The following SCPEP1 variants were observed in gnomAD, a reference collection of about 807,000 sequenced individuals.
The protein encoded by SCPEP1 is retinoid-inducible serine carboxypeptidase.
SCPEP1 carries 51 observed loss-of-function variants against 63.8 expected under a neutral mutation model. That is an observed-to-expected ratio of 0.80 (90% confidence interval 0.64 to 1.01). The LOEUF (loss-of-function observed/expected upper bound fraction) is 1.01. Ranked by LOEUF, SCPEP1 falls within the 50% of genes least tolerant of loss-of-function variation. The pLI is 0.00. For synonymous variants in SCPEP1, 204 were observed against 207.8 expected (o/e 0.98, Z 0.16); for missense variants, 499 against 554.9 (o/e 0.90, Z 1.01).
chr17:56,997,878 C>T (rs1242769087), intron 9 of SCPEP1: 1 of 152,782 alleles, frequency 6.5e-6, no homozygotes, highest in African/African-American at 2.6e-5. Context: ...TGTGCACCAA[C>T]CTAATAATAA....
In SCPEP1 at chr17:56,995,607, G is replaced by A. The variant is rs764392881; in HGVS notation, c.758G>A (p.Trp253Ter). 1.7e-5 allele frequency: 28 copies of A among 1,613,798 alleles called. No individual in the cohort carries two copies. Among genetic ancestry groups the A allele is most frequent in the Non-Finnish European group, 2.4e-5 (28 of 1,179,982 alleles). ...KGLYREATEL[W>*]GKAEMIIEQN... The stretch of plus-strand genomic sequence containing the variant: ...CTCTACAGAGAGGCCACAGAGCTGT[G>A]GGGGAAAGCAGAAATGATCATTGAA... The change falls in exon 8 of 13, where the codon TGG becomes TAG. Residue 253 changes from tryptophan (W) to a stop codon, truncating the protein, a stop_gained. Coordinates refer to ENST00000262288, the MANE Select transcript of SCPEP1 (RefSeq NM_021626.3). LOFTEE classifies it high-confidence loss of function.
intron 2 of SCPEP1, chr17:56,985,121 A>G: frequency 1.9e-6 from 1 of 520,774 alleles, no homozygotes; most frequent in East Asian, 3.2e-5. Flanking sequence ...AAAGAAAAGA[A>G]AAGAAAAAAT....
At chr17:56,995,040 C>A (rs755472721) in intron 7 of SCPEP1, 22 bp downstream of exon 7, 5 of 1,606,590 alleles carry the variant, frequency 3.1e-6, no homozygotes, top group African/African-American at 1.3e-5. Flanking sequence ...CACATCTGCA[C>A]CCTCTGGGCA....
chr17:56,993,687 T>G (rs1038071158), intron 6 of SCPEP1, among the ~76,000 whole-genome samples: 6 of 152,204 alleles, frequency 3.9e-5, no homozygotes, highest in African/African-American at 1.4e-4. Context: ...CCTCAGGTGA[T>G]CTGCCCACCT....
At chr17:56,986,879 CAG>C (rs1456837669) in intron 3 of SCPEP1, among the ~76,000 whole-genome samples, 2 of 152,224 alleles carry the variant, frequency 1.3e-5, no homozygotes, top group Non-Finnish European at 2.9e-5. Context: ...ACTCTTGCCT[CAG>C]GGTCTTTGTA....
chr17:56,979,706 A>T (rs572927233), intron 1 of SCPEP1, among the ~76,000 whole-genome samples: 1 of 152,292 alleles, frequency 6.6e-6, no homozygotes, highest in Non-Finnish European at 1.5e-5. Context: ...AATCATCTAC[A>T]TGAGTTAGGA....
intron 12 of SCPEP1, among the ~76,000 whole-genome samples, chr17:57,002,453 T>C (rs1299187541): frequency 6.6e-6 from 1 of 152,194 alleles, no homozygotes; most frequent in Non-Finnish European, 1.5e-5. Flanking sequence ...CAGAGGCTCA[T>C]GCCTGCAATC....
chr17:56,979,935 G>T (rs915587350), intron 1 of SCPEP1, among the ~76,000 whole-genome samples: 8 of 151,782 alleles, frequency 5.3e-5, no homozygotes, highest in African/African-American at 1.9e-4. Flanking sequence ...AATGTTTAAA[G>T]TTTAAAATTT....
chr17:57,001,569 C>A (rs564314149), intron 11 of SCPEP1, among the ~76,000 whole-genome samples: 2 of 152,168 alleles, frequency 1.3e-5, no homozygotes, highest in African/African-American at 4.8e-5. Flanking sequence ...GCCTCGTGAA[C>A]CAGAAGGATT....
At chr17:56,982,154 A>C (rs1911086509) in intron 2 of SCPEP1, among the ~76,000 whole-genome samples, 1 of 151,994 alleles carries the variant, frequency 6.6e-6, no homozygotes, top group South Asian at 2.1e-4. Flanking sequence ...CCCCACCCGG[A>C]AGACCACCCA....
intron 12 of SCPEP1, among the ~76,000 whole-genome samples, chr17:57,004,354 A>G (rs2144512898): frequency 6.6e-6 from 1 of 152,362 alleles, no homozygotes; most frequent in Middle Eastern, 3.4e-3. Context: ...TCTGTCTCAA[A>G]AAGTAAATCA....
chr17:56,990,735 A>G (rs891667127), intron 5 of SCPEP1, among the ~76,000 whole-genome samples: 3 of 43,888 alleles, frequency 6.8e-5, no homozygotes, highest in African/African-American at 2.0e-4. Flanking sequence ...CCTGGGCTCA[A>G]GTATCCTCCT....
At chr17:57,002,270 G>T in intron 12 of SCPEP1, 89 bp downstream of exon 12, 1 of 1,363,154 alleles carries the variant, frequency 7.3e-7, no homozygotes, top group Non-Finnish European at 1.0e-6. Context: ...TGCCCAGGTG[G>T]GTCTTGTAGG....
In SCPEP1 at chr17:56,981,164, G is replaced by T. The variant is rs1177622382; in HGVS notation, c.159G>T (p.Trp53Cys). Residue 53 changes from tryptophan (W) to cysteine (C), a missense_variant, in exon 2 of 13, where the codon TGG becomes TGT. Trp to Cys is a radical substitution (Grantham distance 215). Transcript: ENST00000262288. ...VTVRKDAYMFWWLYYATNSCK... is the reference protein window; with the variant it reads ...VTVRKDAYMFCWLYYATNSCK... ...TCCGCAAGGATGCCTACATGTTCTG[G>T]TGGCTCTATTATGCCACCAACTCCT... 2.5e-6 allele frequency: 4 copies of T among 1,614,140 alleles called. No individual in the cohort carries two copies. Among genetic ancestry groups the T allele is most frequent in the Non-Finnish European group, 3.4e-6 (4 of 1,180,014 alleles).
intron 5 of SCPEP1, 53 bp from the exon 6 acceptor site, chr17:56,991,046 A>G: frequency 7.7e-7 from 1 of 1,299,130 alleles, no homozygotes; most frequent in Non-Finnish European, 1.1e-6. Flanking sequence ...TGTTGGGATT[A>G]CTGCGTGAGC....
chr17:56,995,876 TAAAA>T (rs11361283), intron 8 of SCPEP1: 88 of 158,030 alleles, frequency 5.6e-4, no homozygotes, highest in Non-Finnish European at 9.5e-4. Flanking sequence ...TGGATTCTAT[TAAAA>T]AAAAAAAAAA....
intron 4 of SCPEP1, 47 bp downstream of exon 4, chr17:56,987,897 A>T: frequency 6.3e-7 from 1 of 1,597,342 alleles, no homozygotes; most frequent in Non-Finnish European, 8.5e-7. Context: ...GGCAATATCA[A>T]CTCTACATCC....
intron 6 of SCPEP1, among the ~76,000 whole-genome samples, chr17:56,993,649 G>A (rs1299513994): frequency 2.0e-5 from 3 of 152,200 alleles, no homozygotes; most frequent in Non-Finnish European, 2.9e-5. Context: ...GTTTCACCAT[G>A]TTGGCCAGGC....
chr17:56,993,812 C>T (rs139906994), intron 6 of SCPEP1, among the ~76,000 whole-genome samples: 19 of 152,306 alleles, frequency 1.2e-4, no homozygotes, highest in Middle Eastern at 3.4e-3. Context: ...GTAGTTCAAC[C>T]GAGATAGGCT....
Sources: gnomAD v4.1 joint callset for allele counts (sites outside exome capture counted in the v4.1 genomes callset) on GRCh38, gnomAD v4.1.1 for gene constraint, MANE v1.5 for transcripts, NCBI Gene and HGNC (gene_info 2026-07-23, HGNC 2026-07-21) for gene names.